ZNF804A: variants seen among roughly 807,000 people sequenced by gnomAD.
ZNF804A encodes the protein zinc finger protein 804A.
In ZNF804A, 2 loss-of-function variants were observed where a neutral mutation model predicts 16.5. The observed-to-expected ratio is 0.12, with a 90% CI of 0.05 to 0.38. The LOEUF is 0.38. Among genes scored for constraint, ZNF804A ranks in the 10% least tolerant of loss-of-function variants. The pLI, the probability that ZNF804A is intolerant of heterozygous loss-of-function variation, is 0.99. For synonymous variants in ZNF804A, 534 were observed against 489.6 expected (o/e 1.09, Z -1.20); for missense variants, 1,473 against 1,390.7 (o/e 1.06, Z -0.94).
intron 2 of ZNF804A, among the ~76,000 whole-genome samples, chr2:184,898,805 G>A (rs1418291699): frequency 2.0e-5 from 3 of 151,846 alleles, no homozygotes; most frequent in African/African-American, 7.2e-5. Context: ...TCTATGAAAA[G>A]TACTTCCATG....
intron 1 of ZNF804A, among the ~76,000 whole-genome samples, chr2:184,719,548 C>A (rs1320308214): frequency 6.6e-6 from 1 of 152,162 alleles, no homozygotes; most frequent in Non-Finnish European, 1.5e-5. Context: ...AAGCAAGTCA[C>A]CTTTTGAATG....
At chr2:184,672,176 A>T (rs1278606128) in intron 1 of ZNF804A, among the ~76,000 whole-genome samples, 1 of 152,234 alleles carries the variant, frequency 6.6e-6, no homozygotes, top group Non-Finnish European at 1.5e-5. Flanking sequence ...TGGGAAGAGC[A>T]GAAGTATGAA....
At chr2:184,848,167 C>G (rs1695548143) in intron 1 of ZNF804A, among the ~76,000 whole-genome samples, 1 of 151,952 alleles carries the variant, frequency 6.6e-6, no homozygotes, top group African/African-American at 2.4e-5. Context: ...GTGACCAACT[C>G]CCATCCTGAA....
chr2:184,819,619 A>G (rs910959768), intron 1 of ZNF804A, among the ~76,000 whole-genome samples: 1 of 151,922 alleles, frequency 6.6e-6, no homozygotes, highest in African/African-American at 2.4e-5. Context: ...CAAAAAACCA[A>G]TGAATGGAGG....
Position 184,760,001 on chromosome 2 carries a change from A to C in ZNF804A, c.112-106368A>C, listed in dbSNP as rs529081467. 7.9e-5 allele frequency among the ~76,000 whole-genome samples: 12 copies of C among 152,192 alleles called. No homozygotes were observed. The South Asian group carries it at 2.5e-3, about 32-fold the overall frequency. On this transcript the variant is annotated intron_variant, in intron 1 of 3. Transcript: ENST00000302277. ...ACAAAGCCTGTTTGGTGGTCTCTTC[A>C]TAGGGACGTGAACTCGCTGAGTCCG...
intron 2 of ZNF804A, among the ~76,000 whole-genome samples, chr2:184,915,803 T>C (rs957190452): frequency 3.9e-5 from 6 of 152,156 alleles, no homozygotes; most frequent in African/African-American, 1.4e-4. Context: ...AGAGATTACA[T>C]GCTTTTAAAG....
intron 1 of ZNF804A, among the ~76,000 whole-genome samples, chr2:184,731,423 AT>A (rs1258714531): frequency 6.6e-6 from 1 of 151,990 alleles, no homozygotes; most frequent in African/African-American, 2.4e-5. Context: ...GATTTTGGCC[AT>A]TCGAATAGAT....
At chr2:184,704,911 A>G (rs1001786778) in intron 1 of ZNF804A, among the ~76,000 whole-genome samples, 6 of 152,212 alleles carry the variant, frequency 3.9e-5, no homozygotes, top group African/African-American at 1.4e-4. Flanking sequence ...TCTCATGGAA[A>G]GAAAGAAGAA....
At chr2:184,707,980 C>T in intron 1 of ZNF804A, among the ~76,000 whole-genome samples, 1 of 152,038 alleles carries the variant, frequency 6.6e-6, no homozygotes. Context: ...AATAGCCATT[C>T]TGACTGGTGT....
Position 184,676,360 on chromosome 2 carries a change from T to G in ZNF804A, c.111+77290T>G, listed in dbSNP as rs4666987. Among the ~76,000 whole-genome samples, 202 of 151,572 alleles carry G rather than the reference T, an allele frequency of 1.3e-3. 5 individuals carry two copies. The highest frequency in any genetic ancestry group is 0.012 in the Admixed American group (178 of 15,234). ...ATGTTTGAAAATATTTAAAAAGCAT[T>G]AATCACACACACTCACACACATATG... On this transcript the variant is annotated intron_variant, in intron 1 of 3. Coordinates refer to ENST00000302277, the MANE Select transcript of ZNF804A (RefSeq NM_194250.2).
rs1244566222 is a variant in ZNF804A, at chr2:184,829,899, CAA to C, written c.112-36448_112-36447del. 1.3e-4 allele frequency among the ~76,000 whole-genome samples: 5 copies of C among 38,902 alleles called. No individual in the cohort carries two copies. In the South Asian group the frequency reaches 5.1e-3, roughly 39 times the overall value. The allele number at this position is 38,902 out of a possible 152,430, so 25.5% of individuals were successfully genotyped here. A position where few individuals can be genotyped will look rare whatever the true frequency, so the allele number is the denominator to read the frequency against. On this transcript the variant is annotated intron_variant, in intron 1 of 3. Coordinates refer to ENST00000302277, the MANE Select transcript of ZNF804A (RefSeq NM_194250.2). ...CAACATGTCAAAACCCTGTCTCTAC[CAA>C]AAAAAAAAAAAAAAAAAAAAACAAA...
Position 184,884,171 on chromosome 2 carries a change from G to T in ZNF804A, c.255+17659G>T, listed in dbSNP as rs188320668. ...TTCTATACATCAGCATACAAGCTGAGAGCCAAATCATGAACACAACACAGT... is the reference window on the plus strand; with the variant it reads ...TTCTATACATCAGCATACAAGCTGATAGCCAAATCATGAACACAACACAGT... On this transcript the variant is annotated intron_variant, in intron 2 of 3. Coordinates refer to ENST00000302277, the MANE Select transcript of ZNF804A (RefSeq NM_194250.2). Among the ~76,000 whole-genome samples, 12 of 152,148 alleles carry T rather than the reference G, an allele frequency of 7.9e-5. No homozygotes were observed. In the East Asian group the frequency reaches 2.3e-3, roughly 29 times the overall value.
intron 2 of ZNF804A, among the ~76,000 whole-genome samples, chr2:184,870,042 T>G (rs191292285): frequency 6.6e-6 from 1 of 152,016 alleles, no homozygotes; most frequent in South Asian, 2.1e-4. Flanking sequence ...GATGTTCGAT[T>G]GTAACAATTT....
intron 2 of ZNF804A, among the ~76,000 whole-genome samples, chr2:184,869,544 G>A (rs1197762957): frequency 6.6e-6 from 1 of 151,940 alleles, no homozygotes; most frequent in Non-Finnish European, 1.5e-5. Context: ...ATGAGAGAAT[G>A]CACATTAATA....
At chr2:184,783,895 C>T (rs1694409386) in intron 1 of ZNF804A, among the ~76,000 whole-genome samples, 1 of 151,992 alleles carries the variant, frequency 6.6e-6, no homozygotes, top group African/African-American at 2.4e-5. Context: ...AAAACAGGCT[C>T]ATTCTTCGGA....
At chr2:184,607,936 CTTTTTTTT>C (rs34262998) in intron 1 of ZNF804A, among the ~76,000 whole-genome samples, 3 of 65,654 alleles carry the variant, frequency 4.6e-5, no homozygotes, top group African/African-American at 1.3e-4. Context: ...TGATGCATCT[CTTTTTTTT>C]TTTTTTTTTT....
intron 1 of ZNF804A, among the ~76,000 whole-genome samples, chr2:184,787,933 A>G (rs1369878103): frequency 1.3e-5 from 2 of 150,658 alleles, no homozygotes; most frequent in African/African-American, 2.4e-5. Context: ...TGTCAAGGAG[A>G]GCTTTTTCTT....
At chr2:184,891,509 G>T (rs530630230) in intron 2 of ZNF804A, among the ~76,000 whole-genome samples, 29 of 152,028 alleles carry the variant, frequency 1.9e-4, no homozygotes, top group Non-Finnish European at 3.7e-4. Context: ...AAATTACAGA[G>T]TAAAAAAGAA....
chr2:184,749,978 A>G (rs1292039454), intron 1 of ZNF804A, among the ~76,000 whole-genome samples: 1 of 151,388 alleles, frequency 6.6e-6, no homozygotes, highest in Non-Finnish European at 1.5e-5. Context: ...AAGATAATGA[A>G]TACTTATATA....
Sources: gnomAD v4.1 joint callset for allele counts (sites outside exome capture counted in the v4.1 genomes callset) on GRCh38, gnomAD v4.1.1 for gene constraint, MANE v1.5 for transcripts, NCBI Gene and HGNC (gene_info 2026-07-23, HGNC 2026-07-21) for gene names.